The following GPC5 variants were observed in gnomAD, a reference collection of about 807,000 sequenced individuals.
GPC5 encodes glypican 5, also known as glypican-5.
A neutral mutation model predicts 53.9 loss-of-function variants in GPC5; 47 were observed. That is an observed-to-expected ratio of 0.87 (90% CI 0.69 to 1.11). The LOEUF is 1.11. Among genes scored for constraint, GPC5 ranks in the 50% most tolerant of loss-of-function variants. The pLI is 0.00. For synonymous variants in GPC5, 286 were observed against 263.3 expected (o/e 1.09, Z -0.84); for missense variants, 748 against 713.1 (o/e 1.05, Z -0.56).
At chr13:92,620,288 G>A (rs1444064418) in intron 7 of GPC5, among the ~76,000 whole-genome samples, 2 of 151,924 alleles carry the variant, frequency 1.3e-5, no homozygotes, top group East Asian at 3.9e-4. Flanking sequence ...GAAAATTAAA[G>A]AGGCAAAAAA....
chr13:91,728,729 T>A, intron 4 of GPC5, 64 bp downstream of exon 4: 2 of 1,472,748 alleles, frequency 1.4e-6, no homozygotes, highest in South Asian at 1.3e-5. Flanking sequence ...TACAACAGAA[T>A]AGAACATATT....
At chr13:92,737,766 C>CTTTTTTTTTTTTTTTTTTTTTCT (rs33914729) in intron 7 of GPC5, among the ~76,000 whole-genome samples, 37 of 102,120 alleles carry the variant, frequency 3.6e-4, no homozygotes, top group Admixed American at 4.1e-4. Flanking sequence ...TTTTCTTTTT[C>CTTTTTTTTTTTTTTTTTTTTTCT]TTTTTTTTTT....
Position 92,727,582 on chromosome 13 carries a change from A to G in GPC5, c.1562-138700A>G, listed in dbSNP as rs558781913. Among the ~76,000 whole-genome samples, 9 of 151,496 alleles carry G rather than the reference A, an allele frequency of 5.9e-5. No individual in the cohort carries two copies. The South Asian group carries it at 1.7e-3, about 28-fold the overall frequency. On this transcript the variant is annotated intron_variant, in intron 7 of 7. Transcript: ENST00000377067. ...AATAATATTACAAGTGGCCCCATTC[A>G]ATCTTGACAGAAACTCCAAGAAATT...
At chr13:91,410,796 T>G (rs1218921905) in intron 1 of GPC5, among the ~76,000 whole-genome samples, 1 of 152,162 alleles carries the variant, frequency 6.6e-6, no homozygotes, top group Non-Finnish European at 1.5e-5. Flanking sequence ...ATTCATATGG[T>G]AAAATCAAAT....
intron 7 of GPC5, among the ~76,000 whole-genome samples, chr13:92,489,104 C>T (rs1879665130): frequency 6.6e-6 from 1 of 152,170 alleles, no homozygotes. Context: ...TTTGACAATA[C>T]ATTGCATCAT....
intron 2 of GPC5, among the ~76,000 whole-genome samples, chr13:91,537,019 G>T (rs368232544): frequency 2.6e-5 from 4 of 152,032 alleles, no homozygotes; most frequent in Non-Finnish European, 5.9e-5. Flanking sequence ...AAAATACAAT[G>T]TACCAAAACT....
At chr13:92,095,085 A>G (rs2041411695) in intron 6 of GPC5, among the ~76,000 whole-genome samples, 1 of 152,190 alleles carries the variant, frequency 6.6e-6, no homozygotes, top group African/African-American at 2.4e-5. Context: ...GTTGGGAACC[A>G]GAGTAATCTA....
chr13:92,707,061 A>T (rs1032717829), intron 7 of GPC5, among the ~76,000 whole-genome samples: 1 of 152,164 alleles, frequency 6.6e-6, no homozygotes, highest in Non-Finnish European at 1.5e-5. Flanking sequence ...TAACCTGACC[A>T]TGGTGGCACC....
At chr13:92,274,827 A>G (rs567228722) in intron 7 of GPC5, among the ~76,000 whole-genome samples, 15 of 152,288 alleles carry the variant, frequency 9.8e-5, no homozygotes, top group Admixed American at 9.8e-4. Flanking sequence ...CATTCTGTTG[A>G]TTAGAAGAAC....
chr13:92,812,831 A>G (rs1877343284), intron 7 of GPC5, among the ~76,000 whole-genome samples: 1 of 151,926 alleles, frequency 6.6e-6, no homozygotes, highest in South Asian at 2.1e-4. Context: ...CATGAGAAGA[A>G]AATTAAGATT....
intron 2 of GPC5, among the ~76,000 whole-genome samples, chr13:91,607,325 TAGA>T (rs2033402935): frequency 1.3e-5 from 2 of 152,190 alleles, no homozygotes; most frequent in Admixed American, 6.5e-5. Context: ...TTTACGTTCT[TAGA>T]AGATTTGGGA....
chr13:92,240,031 T>G (rs931147041), intron 7 of GPC5: 5 of 152,040 alleles, frequency 3.3e-5, no homozygotes, highest in Admixed American at 3.3e-4. Context: ...CCTTCTAGCT[T>G]TTTTATATGA....
At chr13:92,423,807 A>G (rs897330780) in intron 7 of GPC5, among the ~76,000 whole-genome samples, 1 of 152,142 alleles carries the variant, frequency 6.6e-6, no homozygotes, top group African/African-American at 2.4e-5. Flanking sequence ...TAATGTTATG[A>G]CCTGAGGATC....
intron 6 of GPC5, among the ~76,000 whole-genome samples, chr13:92,114,399 A>G (rs944606010): frequency 1.3e-5 from 2 of 152,122 alleles, no homozygotes; most frequent in African/African-American, 4.8e-5. Context: ...CCACACCAAG[A>G]GTGGAAGCAT....
intron 2 of GPC5, among the ~76,000 whole-genome samples, chr13:91,509,816 T>TA: frequency 6.6e-6 from 1 of 152,254 alleles, no homozygotes; most frequent in South Asian, 2.1e-4. Flanking sequence ...TTCTGGTACT[T>TA]ATATCAGATG....
At chr13:92,052,399 C>T (rs192651313) in intron 6 of GPC5, among the ~76,000 whole-genome samples, 154 of 152,226 alleles carry the variant, frequency 1.0e-3, no homozygotes, top group African/African-American at 3.6e-3. Context: ...TTGTGAAGAG[C>T]GAAAGAACAA....
At chr13:91,507,127 T>A (rs1295417555) in intron 2 of GPC5, among the ~76,000 whole-genome samples, 2 of 152,090 alleles carry the variant, frequency 1.3e-5, no homozygotes, top group Non-Finnish European at 2.9e-5. Flanking sequence ...CAACACAGAT[T>A]TACTTCTCAT....
At chr13:92,227,861 C>T (rs1475687938) in intron 7 of GPC5, among the ~76,000 whole-genome samples, 1 of 152,014 alleles carries the variant, frequency 6.6e-6, no homozygotes, top group African/African-American at 2.4e-5. Context: ...TTGACTTCCA[C>T]AGAACTTAAC....
chr13:92,532,653 CTT>C (rs1412613406), intron 7 of GPC5, among the ~76,000 whole-genome samples: 1 of 152,086 alleles, frequency 6.6e-6, no homozygotes, highest in Non-Finnish European at 1.5e-5. Flanking sequence ...CTAAATCTGG[CTT>C]ATTCAGGGAT....
Sources: allele counts gnomAD v4.1 joint callset (sites outside exome capture counted in the v4.1 genomes callset), GRCh38; gene constraint gnomAD v4.1.1; transcripts MANE v1.5; gene names NCBI Gene and HGNC (gene_info 2026-07-23, HGNC 2026-07-21).